PEX5L: variants seen among roughly 807,000 people sequenced by gnomAD.
PEX5L encodes PEX5-related protein.
A neutral mutation model predicts 84.0 loss-of-function variants in PEX5L; 30 were observed. That is an observed-to-expected ratio of 0.36 (90% confidence interval 0.27 to 0.48). The LOEUF is 0.48. PEX5L is among the 20% of genes least tolerant of loss of function. The pLI is 0.99. For synonymous variants in PEX5L, 270 were observed against 283.1 expected, an observed-to-expected ratio of 0.95 and a Z score of 0.46; for missense variants, 533 against 754.6, an observed-to-expected ratio of 0.71 and a Z score of 3.44.
Position 179,811,961 on chromosome 3 carries a change from A to G in PEX5L, c.1084-90T>C, listed in dbSNP as rs188584901. ...TTTGTTGACCTGTGATGGATCCCCT[A>G]TGCAGAGCAAGCTGTCTCATATGTG... On this transcript the variant is annotated intron_variant, in intron 10 of 14. Coordinates refer to ENST00000467460, the MANE Select transcript of PEX5L (RefSeq NM_016559.3). 71 of 965,872 alleles carry G rather than the reference A, an allele frequency of 7.4e-5. 1 individual carries two copies. In the East Asian group the frequency reaches 9.8e-4, roughly 13 times the overall value. The allele number at this position is 965,872 out of a possible 1,614,324, so 59.8% of individuals were successfully genotyped here.
At chr3:180,018,483 T>C (rs1790133491) in intron 1 of PEX5L, among the ~76,000 whole-genome samples, 1 of 152,208 alleles carries the variant, frequency 6.6e-6, no homozygotes, top group South Asian at 2.1e-4. Context: ...GACTTGACAA[T>C]GCAGTTATGA....
chr3:179,981,779 A>T (rs1222231133), intron 1 of PEX5L, among the ~76,000 whole-genome samples: 1 of 150,320 alleles, frequency 6.7e-6, no homozygotes, highest in African/African-American at 2.5e-5. Flanking sequence ...CAGTATCTAA[A>T]CTGTTCTTGT....
chr3:179,859,716 GAT>G (rs1560418848), intron 7 of PEX5L, among the ~76,000 whole-genome samples: 1 of 152,148 alleles, frequency 6.6e-6, no homozygotes, highest in East Asian at 1.9e-4. Context: ...CATTTCTTAG[GAT>G]ATTGCTCTCT....
intron 3 of PEX5L, 189 bp from the exon 4 acceptor site, chr3:179,887,973 TCAACATATTTTTGATGCAGC>T (rs1230500640): frequency 1.9e-5 from 13 of 681,874 alleles, no homozygotes; most frequent in Non-Finnish European, 3.2e-5. Context: ...TTTAGCACTG[TCAACATATTTTTGATGCAGC>T]CAACTTCAAT....
intron 3 of PEX5L, chr3:179,888,155 G>A: frequency 7.8e-7 from 1 of 1,290,310 alleles, no homozygotes; most frequent in South Asian, 1.2e-5. Context: ...TGGACCAGTG[G>A]CTTCAGACTC....
intron 1 of PEX5L, among the ~76,000 whole-genome samples, chr3:180,005,500 G>A (rs567636228): frequency 2.0e-5 from 3 of 152,298 alleles, no homozygotes; most frequent in Non-Finnish European, 2.9e-5. Flanking sequence ...AGGCCAAGGC[G>A]GGTGGATCAC....
chr3:180,011,047 C>G (rs1789429436), intron 1 of PEX5L, among the ~76,000 whole-genome samples: 2 of 152,150 alleles, frequency 1.3e-5, no homozygotes, highest in South Asian at 4.1e-4. Context: ...GTACCTCACA[C>G]ACGGCCCAGA....
rs574028706 is a variant in PEX5L at position 179,976,969 on chromosome 3, G to A, written c.22-5304C>T. Among the ~76,000 whole-genome samples the A allele has an allele frequency of 1.6e-4, 24 of 152,224 alleles. No homozygotes were observed. The South Asian group carries it at 5.0e-3, about 32-fold the overall frequency. ...CATGAAGCAAGAAAGTAACAGCAAC[G>A]ATCCTTTGGAGAGAAACTGGTTCTC... On this transcript the variant is annotated intron_variant, in intron 1 of 14. Transcript: ENST00000467460.
In PEX5L at chr3:179,798,420, C is replaced by T. The variant is rs1717867401; in HGVS notation, c.*3408G>A. On this transcript the variant is annotated 3_prime_UTR_variant, in exon 15 of 15. Transcript: ENST00000467460. ...CCAGTGAGAGGGATTTTTATTCCTC[C>T]TCCTCTCCCCTATCCCTCTGTCTCC... 2 of 152,120 alleles carry T rather than the reference C, an allele frequency of 1.3e-5. No individual in the cohort carries two copies. Among genetic ancestry groups the T allele is most frequent in the African/African-American group, 4.8e-5 (2 of 41,402 alleles). 9.4% of individuals were successfully genotyped at this position (152,120 alleles called of 1,614,324 possible).
At position 179,796,795 on chromosome 3, in the gene PEX5L, A is replaced by T. The variant is rs1450246574; in HGVS notation, c.*5033T>A. ...CGTGAAATCACCTCATCACTCCCTA[A>T]ATATCAGTGTTTTTAGACCTGTTGA... On this transcript the variant is annotated 3_prime_UTR_variant, in exon 15 of 15. Coordinates refer to ENST00000467460, the MANE Select transcript of PEX5L (RefSeq NM_016559.3). 6.6e-6 allele frequency: 1 copy of T among 152,128 alleles called. No homozygotes were observed. The highest frequency in any genetic ancestry group is 1.5e-5 in the Non-Finnish European group (1 of 68,012). 9.4% of individuals were successfully genotyped at this position (152,128 alleles called of 1,614,324 possible).
rs1395749611 is a variant in PEX5L, at chr3:179,797,602, AAAAATATAT to A, written c.*4217_*4225del. 4.5e-3 allele frequency: 502 copies of A among 112,554 alleles called. 4 individuals are homozygous for A. Among genetic ancestry groups the A allele is most frequent in the African/African-American group, 0.018 (477 of 26,424 alleles). The allele number at this position is 112,554 out of a possible 1,614,324, so 7.0% of individuals were successfully genotyped here. ...ATGAACACTCTTTAAAAAAAAAAAAAAAAATATATATATATATATATATATATATCTACT... is the reference window on the plus strand; with the variant it reads ...ATGAACACTCTTTAAAAAAAAAAAAAATATATATATATATATATATCTACT... On this transcript the variant is annotated 3_prime_UTR_variant, in exon 15 of 15. Transcript: ENST00000467460.
intron 6 of PEX5L, among the ~76,000 whole-genome samples, chr3:179,875,003 G>C (rs976405843): frequency 6.6e-6 from 1 of 151,580 alleles, no homozygotes; most frequent in Non-Finnish European, 1.5e-5. Flanking sequence ...ACCAAAAAAG[G>C]TACCTGTATA....
intron 2 of PEX5L, among the ~76,000 whole-genome samples, chr3:179,955,950 A>G (rs1352851030): frequency 2.0e-5 from 3 of 152,126 alleles, no homozygotes; most frequent in Admixed American, 2.0e-4. Context: ...TAATTTTTAA[A>G]TTGCTCTTAA....
intron 8 of PEX5L, among the ~76,000 whole-genome samples, chr3:179,822,383 GA>G (rs1418105546): frequency 9.2e-5 from 14 of 152,314 alleles, no homozygotes; most frequent in African/African-American, 2.9e-4. Context: ...GGCTGCTTTG[GA>G]AAACTGAGAG....
intron 12 of PEX5L, 75 bp from the exon 13 acceptor site, chr3:179,808,512 A>G (rs1722292699): frequency 8.7e-7 from 1 of 1,149,644 alleles, no homozygotes; most frequent in Non-Finnish European, 1.2e-6. Flanking sequence ...AAATCCCTTG[A>G]CTGTATTTCA....
intron 2 of PEX5L, among the ~76,000 whole-genome samples, chr3:179,904,035 G>C (rs1010569279): frequency 6.6e-6 from 1 of 152,182 alleles, no homozygotes; most frequent in East Asian, 1.9e-4. Context: ...ATTTACCATT[G>C]GTTCAGTGAT....
At chr3:179,863,572 A>G (rs1292423435) in intron 7 of PEX5L, among the ~76,000 whole-genome samples, 1 of 152,196 alleles carries the variant, frequency 6.6e-6, no homozygotes, top group Non-Finnish European at 1.5e-5. Context: ...CAATAGATAT[A>G]TGAACAAAAT....
chr3:179,971,750 T>C, intron 1 of PEX5L, 85 bp from the exon 2 acceptor site: 1 of 1,340,562 alleles, frequency 7.5e-7, no homozygotes. Context: ...AAGATAAAAG[T>C]CTTAGCCTTG....
chr3:180,010,888 C>A (rs1481034236), intron 1 of PEX5L, among the ~76,000 whole-genome samples: 1 of 152,060 alleles, frequency 6.6e-6, no homozygotes, highest in African/African-American at 2.4e-5. Flanking sequence ...CTTGACATTA[C>A]TCCTTCTTAA....
Sources: gnomAD v4.1 joint callset for allele counts (sites outside exome capture counted in the v4.1 genomes callset) on GRCh38, gnomAD v4.1.1 for gene constraint, MANE v1.5 for transcripts, NCBI Gene and HGNC (gene_info 2026-07-23, HGNC 2026-07-21) for gene names.